Variants in COP1 observed in about 807,000 individuals in gnomAD.
COP1 encodes the protein COP1 E3 ubiquitin ligase, also known as E3 ubiquitin-protein ligase COP1.
A neutral mutation model predicts 101.3 loss-of-function variants in COP1; 24 were observed. That is an observed-to-expected ratio of 0.24 (90% CI 0.17 to 0.33). The LOEUF (loss-of-function observed/expected upper bound fraction) is 0.33, where lower values mean the gene tolerates loss of function less well. Ranked by LOEUF, COP1 falls within the 10% of genes least tolerant of loss-of-function variation. The pLI, the probability that COP1 is intolerant of heterozygous loss-of-function variation, is 1.00. For synonymous variants in COP1, 347 were observed against 341.9 expected (o/e 1.01, Z -0.17); for missense variants, 663 against 906.2 (o/e 0.73, Z 3.45).
chr1:176,181,957 G>A (rs1323107363), intron 2 of COP1, among the ~76,000 whole-genome samples: 1 of 152,132 alleles, frequency 6.6e-6, no homozygotes, highest in East Asian at 1.9e-4. Flanking sequence ...AGAGCAGGAG[G>A]TAAAGCTATT....
At chr1:176,167,057 T>C (rs10798446) in intron 3 of COP1, among the ~76,000 whole-genome samples, 59,994 of 152,074 alleles carry the variant, frequency 0.39, 12,069 homozygotes, top group Middle Eastern at 0.45. Flanking sequence ...AAGGGGTATT[T>C]TATTATTTTT....
chr1:175,988,626 A>G, intron 16 of COP1: 6 of 410,252 alleles, frequency 1.5e-5, no homozygotes, highest in Non-Finnish European at 2.2e-5. Context: ...TGAGGTCTGG[A>G]GTTCGAGACC....
intron 18 of COP1, among the ~76,000 whole-genome samples, chr1:175,979,906 T>C (rs573397446): frequency 6.6e-6 from 1 of 152,284 alleles, no homozygotes; most frequent in African/African-American, 2.4e-5. Context: ...AAGTGTTGTA[T>C]CGTTCATTAC....
chr1:176,157,964 T>C (rs1037171928), intron 5 of COP1, among the ~76,000 whole-genome samples: 23 of 152,112 alleles, frequency 1.5e-4, no homozygotes, highest in African/African-American at 5.6e-4. Flanking sequence ...GTAACTGGAA[T>C]TCCCAAAGTG....
chr1:176,030,030 C>T (rs1033069396), intron 14 of COP1, among the ~76,000 whole-genome samples: 3 of 152,090 alleles, frequency 2.0e-5, no homozygotes, highest in Admixed American at 6.6e-5. Context: ...TAGCTCACTG[C>T]AGCCTTGGAC....
chr1:176,124,263 C>A (rs1346557492), intron 8 of COP1, among the ~76,000 whole-genome samples: 2 of 152,118 alleles, frequency 1.3e-5, no homozygotes, highest in African/African-American at 4.8e-5. Flanking sequence ...GTGTTACAAA[C>A]AACCCAATTA....
At chr1:176,100,580 T>C (rs552616902) in intron 9 of COP1, among the ~76,000 whole-genome samples, 5 of 152,134 alleles carry the variant, frequency 3.3e-5, no homozygotes, top group Non-Finnish European at 7.4e-5. Flanking sequence ...AAGGGATGGG[T>C]AATGTAGAAA....
chr1:175,959,028 C>G (rs139768760), intron 18 of COP1, among the ~76,000 whole-genome samples: 1 of 151,744 alleles, frequency 6.6e-6, no homozygotes, highest in South Asian at 2.1e-4. Context: ...AGATTATAGG[C>G]CAATGTTATT....
intron 15 of COP1, among the ~76,000 whole-genome samples, chr1:176,024,158 G>A (rs1269410063): frequency 6.6e-6 from 1 of 151,970 alleles, no homozygotes; most frequent in African/African-American, 2.4e-5. Flanking sequence ...TCTCAGGAGG[G>A]TGAGGCACGA....
intron 9 of COP1, among the ~76,000 whole-genome samples, chr1:176,116,033 A>T (rs1051195975): frequency 2.0e-5 from 3 of 152,082 alleles, no homozygotes; most frequent in Non-Finnish European, 4.4e-5. Context: ...ATTATTCATA[A>T]TTTTTTTCCT....
Position 176,072,999 on chromosome 1 carries a change from C to T in COP1, c.1277+8153G>A, listed in dbSNP as rs1677281462. On this transcript the variant is annotated intron_variant, in intron 11 of 19. Coordinates refer to ENST00000367669, the MANE Select transcript of COP1 (RefSeq NM_022457.7). ...GAAACTTTACAAAGTTTCAATAAAT[C>T]CTTAAGTGAATAGAAGAGCACTAGA... is the stretch of plus-strand genomic sequence containing the variant. Among the ~76,000 whole-genome samples the T allele has an allele frequency of 3.9e-5, 6 of 152,124 alleles. No individual in the cohort carries two copies. The South Asian group carries it at 1.0e-3, about 26-fold the overall frequency.
chr1:176,100,017 A>C (rs1010241893), intron 9 of COP1, among the ~76,000 whole-genome samples: 2 of 152,204 alleles, frequency 1.3e-5, no homozygotes, highest in Non-Finnish European at 2.9e-5. Flanking sequence ...GCTGCACTTT[A>C]AACAAATAAT....
At chr1:176,058,183 A>AGGT (rs376799670) in intron 11 of COP1, among the ~76,000 whole-genome samples, 87,539 of 113,504 alleles carry the variant, frequency 0.77, 32,595 homozygotes, top group East Asian at 0.9. Flanking sequence ...CCCGGTAGGG[A>AGGT]GGGGGGGGGT....
chr1:176,163,541 T>C (rs181601578), intron 4 of COP1, among the ~76,000 whole-genome samples: 1 of 152,266 alleles, frequency 6.6e-6, no homozygotes, highest in East Asian at 1.9e-4. Context: ...TATCTAACCA[T>C]TGTTTCACCA....
At position 176,200,382 on chromosome 1, in the gene COP1, T is replaced by A. The variant is rs146290543; in HGVS notation, c.407+6190A>T. Among the ~76,000 whole-genome samples the A allele has an allele frequency of 3.7e-3, 556 of 152,312 alleles. 2 individuals carry two copies. The highest frequency in any genetic ancestry group is 0.014 in the Middle Eastern group (4 of 294). ...AGTCGTAATTTTTACAAAGCCTACT[T>A]TGTCTCATTATCTCTATTTAGAGCC... On this transcript the variant is annotated intron_variant, in intron 1 of 19. Transcript: ENST00000367669.
At chr1:176,178,996 T>TA (rs1316625009) in intron 2 of COP1, among the ~76,000 whole-genome samples, 1 of 150,228 alleles carries the variant, frequency 6.7e-6, no homozygotes, top group African/African-American at 2.5e-5. Context: ...TTTTTTTTTT[T>TA]AAAAAAAGAC....
At chr1:176,070,768 C>T (rs921807988) in intron 11 of COP1, among the ~76,000 whole-genome samples, 1 of 152,314 alleles carries the variant, frequency 6.6e-6, no homozygotes, top group Admixed American at 6.5e-5. Flanking sequence ...CCTTCCACCT[C>T]ACCCTCCTCA....
intron 5 of COP1, among the ~76,000 whole-genome samples, chr1:176,160,936 C>T (rs1296455893): frequency 6.6e-6 from 1 of 152,114 alleles, no homozygotes; most frequent in African/African-American, 2.4e-5. Context: ...GAATCATTAG[C>T]TTAGTTATAT....
chr1:176,018,614 C>T (rs532405940), intron 15 of COP1: 2 of 152,042 alleles, frequency 1.3e-5, no homozygotes, highest in Non-Finnish European at 2.9e-5. Flanking sequence ...AGAACTGATT[C>T]TGTTTATCAA....
Sources: allele counts gnomAD v4.1 joint callset (sites outside exome capture counted in the v4.1 genomes callset), GRCh38; gene constraint gnomAD v4.1.1; transcripts MANE v1.5; gene names NCBI Gene and HGNC (gene_info 2026-07-23, HGNC 2026-07-21).